Variants in GALNT1 observed in about 807,000 individuals in gnomAD.
GALNT1 encodes GalNAc transferase 1.
A neutral mutation model predicts 65.7 loss-of-function variants in GALNT1; 17 were observed. That is an observed-to-expected ratio of 0.26 (90% CI 0.18 to 0.39). The LOEUF is 0.39. Ranked by LOEUF, GALNT1 falls within the 10% of genes least tolerant of loss-of-function variation. The pLI is 1.00. For missense variants in GALNT1, 460 were observed against 672.8 expected (o/e 0.68, Z 3.50); for synonymous variants, 210 against 219.7 (o/e 0.96, Z 0.39).
intron 5 of GALNT1, among the ~76,000 whole-genome samples, chr18:35,686,248 G>C (rs543726714): frequency 1.3e-5 from 2 of 152,296 alleles, no homozygotes; most frequent in Non-Finnish European, 2.9e-5. Flanking sequence ...GGATAGGAAA[G>C]TCAATATCAT....
At chr18:35,665,421 A>G (rs2047535845) in intron 3 of GALNT1, among the ~76,000 whole-genome samples, 1 of 152,218 alleles carries the variant, frequency 6.6e-6, no homozygotes. Flanking sequence ...AGTCTCAAAA[A>G]GAATTTTAAA....
chr18:35,595,681 T>C (rs1170251901), intron 1 of GALNT1, among the ~76,000 whole-genome samples: 1 of 152,144 alleles, frequency 6.6e-6, no homozygotes, highest in East Asian at 1.9e-4. Context: ...ATAATTTTTT[T>C]TACATTATTA....
chr18:35,644,483 T>C (rs902945034), intron 1 of GALNT1, among the ~76,000 whole-genome samples: 2 of 152,232 alleles, frequency 1.3e-5, no homozygotes, highest in Admixed American at 1.3e-4. Flanking sequence ...TAAGCCAGAA[T>C]AGCTGCTACT....
chr18:35,600,653 G>C (rs1053053191), intron 1 of GALNT1, among the ~76,000 whole-genome samples: 5 of 152,042 alleles, frequency 3.3e-5, no homozygotes, highest in Admixed American at 6.5e-5. Context: ...GTTAGCTGTG[G>C]GTTTGTCACA....
intron 1 of GALNT1, among the ~76,000 whole-genome samples, chr18:35,628,034 A>G (rs926677834): frequency 6.6e-6 from 1 of 152,212 alleles, no homozygotes; most frequent in African/African-American, 2.4e-5. Flanking sequence ...GGCACCCGCC[A>G]TTGCTGAGGC....
intron 1 of GALNT1, among the ~76,000 whole-genome samples, chr18:35,620,954 C>A (rs1467694681): frequency 6.6e-6 from 1 of 152,082 alleles, no homozygotes; most frequent in African/African-American, 2.4e-5. Context: ...GTGGCCGTGC[C>A]AAATTACACT....
chr18:35,697,994 A>G (rs1480227223), intron 9 of GALNT1, among the ~76,000 whole-genome samples: 1 of 152,228 alleles, frequency 6.6e-6, no homozygotes, highest in East Asian at 1.9e-4. Context: ...GTACAAACCA[A>G]ACTTGGGCAC....
intron 1 of GALNT1, among the ~76,000 whole-genome samples, chr18:35,630,353 C>G (rs1317808946): frequency 6.6e-6 from 1 of 152,210 alleles, no homozygotes; most frequent in African/African-American, 2.4e-5. Context: ...AACAAACTGT[C>G]TCTCAGACCA....
chr18:35,591,771 G>A (rs2046447748), intron 1 of GALNT1: 1 of 154,378 alleles, frequency 6.5e-6, no homozygotes, highest in African/African-American at 2.4e-5. Context: ...CAAAAGACTA[G>A]AGGTAGGAAA....
intron 3 of GALNT1, among the ~76,000 whole-genome samples, chr18:35,677,155 A>G (rs1337436040): frequency 6.6e-6 from 1 of 152,178 alleles, no homozygotes; most frequent in Non-Finnish European, 1.5e-5. Context: ...AGCCTGGTAC[A>G]CGATAGGTAC....
chr18:35,610,680 A>T (rs543120345), intron 1 of GALNT1, among the ~76,000 whole-genome samples: 1 of 152,182 alleles, frequency 6.6e-6, no homozygotes, highest in Non-Finnish European at 1.5e-5. Flanking sequence ...TTGTGGGTTC[A>T]TATGTATTGA....
intron 1 of GALNT1, among the ~76,000 whole-genome samples, chr18:35,593,199 G>C (rs1391193835): frequency 1.3e-5 from 2 of 152,176 alleles, no homozygotes; most frequent in Non-Finnish European, 2.9e-5. Flanking sequence ...TTCCTCATTA[G>C]GAGGATTAGA....
At chr18:35,675,328 A>G (rs1172804161) in intron 3 of GALNT1, among the ~76,000 whole-genome samples, 1 of 151,928 alleles carries the variant, frequency 6.6e-6, no homozygotes, top group African/African-American at 2.4e-5. Context: ...ATGTTTCCTC[A>G]TTTGCTTTGA....
At chr18:35,589,636 T>C (rs916026901) in intron 1 of GALNT1, among the ~76,000 whole-genome samples, 3 of 152,216 alleles carry the variant, frequency 2.0e-5, no homozygotes, top group East Asian at 1.9e-4. Context: ...TCCCTAGCCT[T>C]CTTCTCTCCA....
Position 35,586,209 on chromosome 18 carries a change from A to G in GALNT1, c.-104+4347A>G, listed in dbSNP as rs371323862. ...ATTTCCTTAAAGGCTAATGATGTTG[A>G]ACACTTCTCATGTGCTTATTTGTCA... On this transcript the variant is annotated intron_variant, in intron 1 of 11. Coordinates refer to ENST00000269195, the MANE Select transcript of GALNT1 (RefSeq NM_020474.4). Among the ~76,000 whole-genome samples, 3 of 152,184 alleles carry G rather than the reference A, an allele frequency of 2.0e-5. No homozygotes were observed. In the East Asian group the frequency reaches 5.8e-4, roughly 29 times the overall value.
intron 1 of GALNT1, among the ~76,000 whole-genome samples, chr18:35,637,697 A>G (rs571517399): frequency 4.6e-5 from 7 of 152,350 alleles, no homozygotes; most frequent in Admixed American, 4.6e-4. Flanking sequence ...GCTACACTAA[A>G]AAACAGATTT....
chr18:35,581,215 C>G (rs1362747813), upstream of GALNT1: 1 of 151,992 alleles, frequency 6.6e-6, no homozygotes, highest in Non-Finnish European at 1.5e-5. Flanking sequence ...CGCAACAGCC[C>G]GAGTTGTCTT....
intron 9 of GALNT1, among the ~76,000 whole-genome samples, chr18:35,693,304 G>A (rs977723359): frequency 3.3e-5 from 5 of 152,166 alleles, no homozygotes; most frequent in East Asian, 3.8e-4. Flanking sequence ...TGTACTTAGC[G>A]CGTTCCAGAA....
Position 35,689,816 on chromosome 18 carries a change from A to G in GALNT1, c.978+526A>G, listed in dbSNP as rs530818799. On this transcript the variant is annotated intron_variant, in intron 7 of 11. Transcript: ENST00000269195. Reference sequence around the variant, plus strand: ...AAAGTCTTTGCATTTCATGTTCACTAGAATCAACATATCGTTTAAATGGCA... The same window carrying G: ...AAAGTCTTTGCATTTCATGTTCACTGGAATCAACATATCGTTTAAATGGCA... Among the ~76,000 whole-genome samples, 8 of 152,358 alleles carry G rather than the reference A, an allele frequency of 5.3e-5. No homozygotes were observed. In the South Asian group the frequency reaches 1.7e-3, roughly 32 times the overall value.
Sources: allele counts gnomAD v4.1 joint callset (sites outside exome capture counted in the v4.1 genomes callset), GRCh38; gene constraint gnomAD v4.1.1; transcripts MANE v1.5; gene names NCBI Gene and HGNC (gene_info 2026-07-23, HGNC 2026-07-21).